Variants in ZNF30 observed in about 807,000 individuals in gnomAD.
ZNF30 encodes zinc finger protein 30 (KOX 28).
A neutral mutation model predicts 13.2 loss-of-function variants in ZNF30; 15 were observed. The ratio of observed to expected loss-of-function variants is 1.13; its 90% CI spans 0.76 to 1.75. The LOEUF (loss-of-function observed/expected upper bound fraction) is 1.75, where lower values mean the gene tolerates loss of function less well. Among genes scored for constraint, ZNF30 ranks in the 40% most tolerant of loss-of-function variants. ZNF30 has a pLI of 0.00. For synonymous variants in ZNF30, 223 were observed against 256.6 expected (o/e 0.87, Z 1.25); for missense variants, 726 against 757.0 (o/e 0.96, Z 0.48).
At chr19:34,934,937 T>C (rs1173129372) in intron 4 of ZNF30, among the ~76,000 whole-genome samples, 1 of 151,900 alleles carries the variant, frequency 6.6e-6, no homozygotes, top group Non-Finnish European at 1.5e-5. Flanking sequence ...AAATAAAAAA[T>C]TTAAAAAACA....
chr19:34,944,330 C>G lies in ZNF30; in HGVS notation c.1364C>G (p.Pro455Arg). 1 of 1,614,030 alleles carries G rather than the reference C, an allele frequency of 6.2e-7. No homozygotes were observed. Among genetic ancestry groups the G allele is most frequent in the Non-Finnish European group, 8.5e-7 (1 of 1,180,024 alleles). ...VHQRVHTGEKPYECKECGKAF... is the reference protein window; with the variant it reads ...VHQRVHTGEKRYECKECGKAF... ...CAAAGGGTTCATACTGGAGAGAAAC[C>G]CTATGAGTGTAAGGAATGTGGCAAG... Residue 455 changes from proline to arginine, a missense_variant, in exon 5 of 5, where the codon CCC becomes CGC. Physicochemically the swap from Pro to Arg is moderately radical, Grantham distance 103. Coordinates refer to ENST00000601142, the MANE Select transcript of ZNF30 (RefSeq NM_194325.3).
At position 34,933,697 on chromosome 19, in the gene ZNF30, G is replaced by T; in HGVS notation, c.230G>T (p.Arg77Met). The stretch of plus-strand genomic sequence containing the variant: ...TGGAAAGAGCCTGAAGTGACAGTGA[G>T]GAAAGATGGAAGAAGATGGTGCACA... ...EQWKEPEVTV[R>M]KDGRRWCTDL... The change falls in exon 4 of 5, where the codon AGG becomes ATG. Residue 77 changes from arginine (R) to methionine (M), a missense_variant. Transcript: ENST00000601142. 6.3e-7 allele frequency: 1 copy of T among 1,590,620 alleles called. No individual in the cohort carries two copies. The highest frequency in any genetic ancestry group is 2.3e-5 in the East Asian group (1 of 44,098).
upstream of ZNF30, among the ~76,000 whole-genome samples, chr19:34,926,485 T>A (rs2012078159): frequency 6.6e-6 from 1 of 152,174 alleles, no homozygotes; most frequent in Non-Finnish European, 1.5e-5. Context: ...ATTTAAATAT[T>A]TAATAGAAAC....
At chr19:34,927,263 G>C (rs1009121411) in intron 1 of ZNF30, 47 bp downstream of exon 1, 23 of 364,592 alleles carry the variant, frequency 6.3e-5, no homozygotes, top group Middle Eastern at 6.8e-4. Flanking sequence ...GGCGAGTGCG[G>C]GAGCGGCAGG....
chr19:34,929,632 G>A (rs180971899), intron 1 of ZNF30, among the ~76,000 whole-genome samples: 37 of 152,288 alleles, frequency 2.4e-4, no homozygotes, highest in South Asian at 1.7e-3. Context: ...TTGAGACCTA[G>A]ATCAACATTC....
chr19:34,930,013 C>G, intron 2 of ZNF30, 57 bp downstream of exon 2: 4 of 1,509,718 alleles, frequency 2.6e-6, no homozygotes, highest in Non-Finnish European at 3.6e-6. Context: ...GGCTATTTTC[C>G]TTAATTGACC....
Position 34,944,984 on chromosome 19 carries a change from A to G in ZNF30, c.*146A>G. ...TAATTCATAATATAACTCAGAAAAC[A>G]TAAGAATATTCCTTTGTCATTTATA... On this transcript the variant is annotated 3_prime_UTR_variant, in exon 5 of 5. Transcript: ENST00000601142. 3.9e-6 allele frequency: 3 copies of G among 760,318 alleles called. No individual in the cohort carries two copies. The highest frequency in any genetic ancestry group is 2.8e-5 in the East Asian group (1 of 36,360). 47.1% of individuals were successfully genotyped at this position (760,318 alleles called of 1,614,324 possible). A position where few individuals can be genotyped will look rare whatever the true frequency, so the allele number is the denominator to read the frequency against.
chr19:34,928,918 GT>G (rs2012279834), intron 1 of ZNF30, among the ~76,000 whole-genome samples: 1 of 152,214 alleles, frequency 6.6e-6, no homozygotes, highest in African/African-American at 2.4e-5. Flanking sequence ...TATATATGGG[GT>G]TCCGTCAGAC....
intron 4 of ZNF30, among the ~76,000 whole-genome samples, chr19:34,937,728 T>TA (rs960875759): frequency 4.5e-4 from 66 of 145,358 alleles, no homozygotes; most frequent in Middle Eastern, 3.5e-3. Flanking sequence ...CTCTTAAAAA[T>TA]AAAAAAAAAA....
intron 4 of ZNF30, among the ~76,000 whole-genome samples, chr19:34,936,255 G>A (rs1209731729): frequency 6.6e-6 from 1 of 152,138 alleles, no homozygotes; most frequent in Admixed American, 6.5e-5. Flanking sequence ...CAAGCTGGGG[G>A]TCTGAGTGGT....
At chr19:34,929,546 A>G (rs2546000) in intron 1 of ZNF30, among the ~76,000 whole-genome samples, 64,715 of 152,060 alleles carry the variant, frequency 0.43, 15,216 homozygotes, top group African/African-American at 0.64. Context: ...ATTGGGTGAT[A>G]TGGACTCTTT....
chr19:34,935,706 T>TG (rs1330899262), intron 4 of ZNF30, among the ~76,000 whole-genome samples: 1 of 148,104 alleles, frequency 6.8e-6, no homozygotes, highest in Non-Finnish European at 1.5e-5. Flanking sequence ...TATAGTTTTT[T>TG]TTTTTTTTTT....
chr19:34,944,954 T>C lies in ZNF30; in HGVS notation c.*116T>C. The C allele has an allele frequency of 4.3e-6, 4 of 929,760 alleles. No homozygotes were observed. The East Asian group carries it at 1.1e-4, about 25-fold the overall frequency. The allele number at this position is 929,760 out of a possible 1,614,324, so 57.6% of individuals were successfully genotyped here. A position where few individuals can be genotyped will look rare whatever the true frequency, so the allele number is the denominator to read the frequency against. ...AAGAATATTGGCAGGTCTATTCTCA[T>C]CTTATAATTCATAATATAACTCAGA... On this transcript the variant is annotated 3_prime_UTR_variant, in exon 5 of 5. Coordinates refer to ENST00000601142, the MANE Select transcript of ZNF30 (RefSeq NM_194325.3).
At chr19:34,936,639 G>C (rs1465207184) in intron 4 of ZNF30, among the ~76,000 whole-genome samples, 2 of 152,098 alleles carry the variant, frequency 1.3e-5, no homozygotes, top group Non-Finnish European at 2.9e-5. Context: ...CTCATGCCTG[G>C]AATCCCAACA....
Position 34,931,990 on chromosome 19 carries a change from A to G in ZNF30, c.157A>G (p.Met53Val). The change falls in exon 3 of 5, where the codon ATG becomes GTG. Residue 53 changes from methionine to valine, a missense_variant. Transcript: ENST00000601142. ...GGAGAACTACAGGAACTTGGTGTCA[A>G]TGGGTAAGTGTACTTCTCTCAAATA... ...MLENYRNLVSMGHSRSKPHVI... is the reference protein window; with the variant it reads ...MLENYRNLVSVGHSRSKPHVI... 7 of 1,595,452 alleles carry G rather than the reference A, an allele frequency of 4.4e-6. No individual in the cohort carries two copies. Among genetic ancestry groups the G allele is most frequent in the African/African-American group, 1.4e-5 (1 of 73,978 alleles).
intron 4 of ZNF30, among the ~76,000 whole-genome samples, chr19:34,935,286 A>G (rs1044515754): frequency 3.9e-5 from 6 of 152,214 alleles, no homozygotes; most frequent in African/African-American, 9.6e-5. Context: ...GGCTTACAAA[A>G]AAGTTGGAAA....
intron 4 of ZNF30, among the ~76,000 whole-genome samples, chr19:34,939,833 T>G (rs1360906065): frequency 6.6e-6 from 1 of 152,230 alleles, no homozygotes; most frequent in Non-Finnish European, 1.5e-5. Flanking sequence ...TGACAAATAA[T>G]GATGAAATAA....
chr19:34,940,966 A>T (rs1013089486), intron 4 of ZNF30, among the ~76,000 whole-genome samples: 1 of 152,202 alleles, frequency 6.6e-6, no homozygotes, highest in Admixed American at 6.5e-5. Flanking sequence ...AAATCATTTT[A>T]GAGTTTTTAA....
chr19:34,933,237 C>T (rs560114509), intron 3 of ZNF30, among the ~76,000 whole-genome samples: 20 of 152,066 alleles, frequency 1.3e-4, no homozygotes, highest in African/African-American at 4.3e-4. Context: ...GGGCGGATCA[C>T]GAGGTCAAGA....
Sources: allele counts gnomAD v4.1 joint callset (sites outside exome capture counted in the v4.1 genomes callset), GRCh38; gene constraint gnomAD v4.1.1; transcripts MANE v1.5; gene names NCBI Gene and HGNC (gene_info 2026-07-23, HGNC 2026-07-21).